SMOC1: variants seen among roughly 807,000 people sequenced by gnomAD.
SMOC1 encodes the protein SPARC related modular calcium binding 1.
In SMOC1, 22 loss-of-function variants were observed where a neutral mutation model predicts 56.3. The ratio of observed to expected loss-of-function variants is 0.39; its 90% CI spans 0.28 to 0.56. The LOEUF (loss-of-function observed/expected upper bound fraction) is 0.56, where lower values mean the gene tolerates loss of function less well. Ranked by LOEUF, SMOC1 falls within the 20% of genes least tolerant of loss-of-function variation. SMOC1 has a pLI of 0.61. For synonymous variants in SMOC1, 193 were observed against 215.0 expected (o/e 0.90, Z 0.89); for missense variants, 509 against 565.4 (o/e 0.90, Z 1.01).
chr14:69,991,947 T>C (rs968416359), intron 5 of SMOC1, among the ~76,000 whole-genome samples: 21 of 152,118 alleles, frequency 1.4e-4, no homozygotes, highest in African/African-American at 4.8e-4. Context: ...TTCCTTGAGC[T>C]CTTTAATCAG....
chr14:70,019,974 T>C (rs1408356507), intron 10 of SMOC1, among the ~76,000 whole-genome samples: 1 of 152,188 alleles, frequency 6.6e-6, no homozygotes, highest in East Asian at 1.9e-4. Context: ...AGTTTTTAAA[T>C]CCATTGCCTT....
At chr14:69,984,539 A>G (rs1048602637) in intron 5 of SMOC1, among the ~76,000 whole-genome samples, 1 of 152,176 alleles carries the variant, frequency 6.6e-6, no homozygotes, top group Non-Finnish European at 1.5e-5. Context: ...GCAGCTAAAA[A>G]ACAGTTTAAT....
rs1396473769 is a variant in SMOC1 at position 69,939,376 on chromosome 14, GA to G, written c.100-12756del. Among the ~76,000 whole-genome samples the G allele has an allele frequency of 2.6e-5, 4 of 152,178 alleles. No individual in the cohort carries two copies. The East Asian group carries it at 7.7e-4, about 29-fold the overall frequency. Reference sequence around the variant, plus strand: ...ATTCACTATCATGAGAACAGCATGGGAAAAAACCACCCCCATGATTCAATTA... The same window carrying G: ...ATTCACTATCATGAGAACAGCATGGGAAAAACCACCCCCATGATTCAATTA... On this transcript the variant is annotated intron_variant, in intron 1 of 11. Coordinates refer to ENST00000361956, the MANE Select transcript of SMOC1 (RefSeq NM_001034852.3).
At position 69,952,308 on chromosome 14, in the gene SMOC1, G is replaced by A; in HGVS notation, c.265+5G>A. 6.2e-7 allele frequency: 1 copy of A among 1,613,984 alleles called. No homozygotes were observed. Among genetic ancestry groups the A allele is most frequent in the Non-Finnish European group, 8.5e-7 (1 of 1,179,980 alleles). ...TGCATCGAGGTAGATGCAAAGGTGAGTGTGTGCACCCCTGCCCAGCCAAGG... is the reference window on the plus strand; with the variant it reads ...TGCATCGAGGTAGATGCAAAGGTGAATGTGTGCACCCCTGCCCAGCCAAGG... On this transcript the variant is annotated splice_donor_5th_base_variant and intron_variant, in intron 2 of 11. Transcript: ENST00000361956.
chr14:70,021,110 A>ACT (rs779640898), intron 10 of SMOC1, among the ~76,000 whole-genome samples: 20 of 151,874 alleles, frequency 1.3e-4, no homozygotes, highest in Non-Finnish European at 2.2e-4. Flanking sequence ...TTGCCTTGGA[A>ACT]CTCTCATGGC....
At chr14:70,014,951 C>T (rs1052770007) in intron 10 of SMOC1, among the ~76,000 whole-genome samples, 1 of 152,198 alleles carries the variant, frequency 6.6e-6, no homozygotes, top group African/African-American at 2.4e-5. Context: ...CCAAGTGGAG[C>T]TGTCGACGTT....
chr14:69,918,841 C>T (rs74767568), intron 1 of SMOC1, among the ~76,000 whole-genome samples: 5,466 of 152,244 alleles, frequency 0.036, 130 homozygotes, highest in Admixed American at 0.066. Context: ...CTTCTCTGTC[C>T]CTTCTGACTT....
chr14:69,985,316 A>G (rs186642791), intron 5 of SMOC1, among the ~76,000 whole-genome samples: 62 of 152,318 alleles, frequency 4.1e-4, no homozygotes, highest in African/African-American at 1.4e-3. Context: ...GTACAGACAC[A>G]CTGGAAAAAT....
intron 3 of SMOC1, among the ~76,000 whole-genome samples, chr14:69,961,150 A>G (rs1255170524): frequency 6.6e-6 from 1 of 151,606 alleles, no homozygotes; most frequent in Non-Finnish European, 1.5e-5. Context: ...TACAAATGGA[A>G]TAATAATATG....
intron 1 of SMOC1, chr14:69,885,552 TC>T (rs1195961628): frequency 2.5e-6 from 4 of 1,596,464 alleles, no homozygotes; most frequent in Non-Finnish European, 3.4e-6. Context: ...GTGCAGGTCT[TC>T]CTGTGGACTA....
chr14:69,924,942 T>G (rs1301816649), intron 1 of SMOC1, among the ~76,000 whole-genome samples: 2 of 20,620 alleles, frequency 9.7e-5, no homozygotes, highest in African/African-American at 1.9e-4. Flanking sequence ...GTAAGGGAGG[T>G]AGGGGAGGTA....
intron 1 of SMOC1, among the ~76,000 whole-genome samples, chr14:69,883,552 A>G (rs1198373489): frequency 1.3e-5 from 2 of 152,208 alleles, no homozygotes; most frequent in Non-Finnish European, 2.9e-5. Flanking sequence ...GGTTGATTTC[A>G]TATCCTGGCT....
intron 3 of SMOC1, among the ~76,000 whole-genome samples, chr14:69,972,914 A>G (rs1267211692): frequency 6.6e-6 from 1 of 152,226 alleles, no homozygotes; most frequent in Non-Finnish European, 1.5e-5. Context: ...GCACTGGGCC[A>G]GAGACACAGC....
At chr14:70,006,125 A>G (rs1321052696) in intron 7 of SMOC1, among the ~76,000 whole-genome samples, 2 of 152,188 alleles carry the variant, frequency 1.3e-5, no homozygotes, top group African/African-American at 4.8e-5. Context: ...TGAGAAGGAA[A>G]GAGGATGATA....
intron 1 of SMOC1, among the ~76,000 whole-genome samples, chr14:69,921,572 T>C (rs1471607473): frequency 2.0e-5 from 3 of 152,130 alleles, no homozygotes; most frequent in Admixed American, 6.5e-5. Context: ...GTGAGTAGAC[T>C]AGTCTGCAAG....
intron 1 of SMOC1, among the ~76,000 whole-genome samples, chr14:69,934,315 T>C (rs1316085984): frequency 6.6e-6 from 1 of 152,222 alleles, no homozygotes; most frequent in African/African-American, 2.4e-5. Context: ...GGCCCAGGGC[T>C]TTGACACTGA....
chr14:69,923,330 T>G (rs1884903037), intron 1 of SMOC1, among the ~76,000 whole-genome samples: 1 of 152,132 alleles, frequency 6.6e-6, no homozygotes, highest in South Asian at 2.1e-4. Context: ...GCAGCAAAAT[T>G]TTTTAAATTA....
At position 69,975,256 on chromosome 14, in the gene SMOC1, T is replaced by C. The variant is rs79490475; in HGVS notation, c.379-459T>C. On this transcript the variant is annotated intron_variant, in intron 3 of 11. Transcript: ENST00000361956. ...TACTTGGGAGGCTGAGGCAGGAGAA[T>C]CGCTTGAACCCAGGAGGCAGAGGGT... 1.6e-3 allele frequency among the ~76,000 whole-genome samples: 238 copies of C among 152,170 alleles called. 11 individuals are homozygous for C. The East Asian group carries it at 0.041, about 26-fold the overall frequency.
At chr14:69,954,666 C>T (rs911491172) in intron 3 of SMOC1, among the ~76,000 whole-genome samples, 4 of 152,182 alleles carry the variant, frequency 2.6e-5, no homozygotes, top group African/African-American at 9.7e-5. Context: ...TGGAAGGTCA[C>T]TGGACAAGGA....
Sources: gnomAD v4.1 joint callset for allele counts (sites outside exome capture counted in the v4.1 genomes callset) on GRCh38, gnomAD v4.1.1 for gene constraint, MANE v1.5 for transcripts, NCBI Gene and HGNC (gene_info 2026-07-23, HGNC 2026-07-21) for gene names.